INTS7: variants seen among roughly 807,000 people sequenced by gnomAD.
The protein encoded by INTS7 is chromosome 1 open reading frame 73.
In INTS7, 46 loss-of-function variants were observed where a neutral mutation model predicts 109.2. The observed-to-expected ratio is 0.42, with a 90% CI of 0.33 to 0.54. The LOEUF (loss-of-function observed/expected upper bound fraction) is 0.54, where lower values mean the gene tolerates loss of function less well. Ranked by LOEUF, INTS7 falls within the 20% of genes least tolerant of loss-of-function variation. INTS7 has a pLI of 0.07. For synonymous variants in INTS7, 412 were observed against 402.9 expected (o/e 1.02, Z -0.27); for missense variants, 929 against 1,132.4 (o/e 0.82, Z 2.58).
intron 4 of INTS7, among the ~76,000 whole-genome samples, chr1:212,016,491 GC>G (rs1225705085): frequency 2.0e-5 from 3 of 152,170 alleles, no homozygotes; most frequent in Non-Finnish European, 4.4e-5. Flanking sequence ...TATTGTCTTT[GC>G]CAAACTGTGG....
intron 7 of INTS7, among the ~76,000 whole-genome samples, chr1:211,994,233 T>C (rs543367235): frequency 6.6e-6 from 1 of 152,310 alleles, no homozygotes; most frequent in African/African-American, 2.4e-5. Flanking sequence ...TTGGTAATTG[T>C]GAGTAAAATT....
At chr1:212,015,621 G>A (rs1368756095) in intron 4 of INTS7, among the ~76,000 whole-genome samples, 3 of 136,948 alleles carry the variant, frequency 2.2e-5, no homozygotes, top group Non-Finnish European at 3.1e-5. Flanking sequence ...TTGTTCACAT[G>A]TTTATCTGCT....
At chr1:211,984,301 T>A (rs956360779) in intron 8 of INTS7, among the ~76,000 whole-genome samples, 1 of 152,220 alleles carries the variant, frequency 6.6e-6, no homozygotes, top group Admixed American at 6.5e-5. Flanking sequence ...ACATGTTTTA[T>A]AACTTGTTTT....
chr1:211,993,548 C>T (rs1014414606), intron 7 of INTS7, among the ~76,000 whole-genome samples: 39 of 151,898 alleles, frequency 2.6e-4, no homozygotes, highest in African/African-American at 8.9e-4. Context: ...GGCGTGGTGG[C>T]AGGCGCCTGT....
At chr1:212,020,957 CAT>C in intron 2 of INTS7, 124 bp downstream of exon 2, 2 of 835,156 alleles carry the variant, frequency 2.4e-6, no homozygotes, top group South Asian at 3.9e-5. Context: ...TGCACACAGT[CAT>C]GTGTGTCCAC....
intron 17 of INTS7, among the ~76,000 whole-genome samples, chr1:211,947,943 G>A (rs909254527): frequency 6.6e-6 from 1 of 152,158 alleles, no homozygotes; most frequent in African/African-American, 2.4e-5. Context: ...AGATCAGGCC[G>A]CCTTCAGCCA....
chr1:211,969,089 C>G (rs1294159120), intron 13 of INTS7, among the ~76,000 whole-genome samples: 1 of 151,988 alleles, frequency 6.6e-6, no homozygotes, highest in African/African-American at 2.4e-5. Context: ...TCAAGACCAC[C>G]CTGGCTAACA....
At chr1:211,960,869 G>A (rs1345087014) in intron 16 of INTS7, among the ~76,000 whole-genome samples, 2 of 151,968 alleles carry the variant, frequency 1.3e-5, no homozygotes, top group African/African-American at 4.8e-5. Flanking sequence ...AATAAAATTA[G>A]CCAAGTATGG....
intron 8 of INTS7, among the ~76,000 whole-genome samples, chr1:211,984,111 C>T (rs1185655142): frequency 6.6e-6 from 1 of 152,050 alleles, no homozygotes; most frequent in African/African-American, 2.4e-5. Context: ...AAAGATCCTC[C>T]CATCTTAGCC....
chr1:211,952,298 T>TA (rs1335494710), intron 17 of INTS7: 10 of 270,144 alleles, frequency 3.7e-5, no homozygotes, highest in African/African-American at 8.9e-5. Flanking sequence ...GTTAAATTGT[T>TA]AAAAAAAGAA....
rs1666683051 is a variant in INTS7, at chr1:212,021,234, G to A, written c.95-22C>T. On this transcript the variant is annotated intron_variant, in intron 1 of 19. Transcript: ENST00000366994. The stretch of plus-strand genomic sequence containing the variant: ...AGGCCTATGGAAAAAAAAAAGCACA[G>A]AGAGGGAAGAACAGTTTGCATATTT... 5 of 1,584,108 alleles carry A rather than the reference G, an allele frequency of 3.2e-6. No individual in the cohort carries two copies. The East Asian group carries it at 9.0e-5, about 29-fold the overall frequency.
intron 8 of INTS7, among the ~76,000 whole-genome samples, chr1:211,983,648 CTCG>C (rs1664761325): frequency 1.3e-5 from 2 of 152,096 alleles, no homozygotes; most frequent in African/African-American, 2.4e-5. Context: ...TTCCATGATT[CTCG>C]TCAACTTCAA....
intron 2 of INTS7, 50 bp downstream of exon 2, chr1:212,021,033 A>G (rs2102490998): frequency 6.6e-7 from 1 of 1,525,430 alleles, no homozygotes; most frequent in Non-Finnish European, 8.9e-7. Flanking sequence ...ATATAAAACA[A>G]GAAATATGAA....
In INTS7 at chr1:211,942,078, G is replaced by A; in HGVS notation, c.2635C>T (p.Gln879Ter). The part of the protein sequence containing the change: ...PIDNMTNEME[Q>*]RVEPHNDYFS... Reference sequence around the variant, plus strand: ...TAATCATTATGAGGTTCAACCCTTTGCTCCATCTCATTGGTCATGTTGTCA... The same window carrying A: ...TAATCATTATGAGGTTCAACCCTTTACTCCATCTCATTGGTCATGTTGTCA... The change falls in exon 20 of 20, where the codon CAA becomes TAA. Residue 879 changes from glutamine to a stop codon, truncating the protein, a stop_gained. Coordinates refer to ENST00000366994, the MANE Select transcript of INTS7 (RefSeq NM_015434.4). LOFTEE classifies it high-confidence loss of function. This position sits in a 1 kb window ranked among gnomAD's most constrained non-coding sequence, Gnocchi z 4.2. 6.2e-7 allele frequency: 1 copy of A among 1,614,050 alleles called. No homozygotes were observed. Among genetic ancestry groups the A allele is most frequent in the Non-Finnish European group, 8.5e-7 (1 of 1,179,958 alleles).
At chr1:211,954,678 G>C (rs553197986) in intron 16 of INTS7, among the ~76,000 whole-genome samples, 3,948 of 152,092 alleles carry the variant, frequency 0.026, 57 homozygotes, top group African/African-American at 0.046. Flanking sequence ...GCTTGTTTTT[G>C]TCAGGTTTGT....
chr1:212,012,197 G>T (rs977497202), intron 4 of INTS7, among the ~76,000 whole-genome samples: 11 of 151,922 alleles, frequency 7.2e-5, no homozygotes, highest in African/African-American at 7.3e-5. Context: ...GTGTGAGTTT[G>T]TAACTCCTGC....
intron 1 of INTS7, among the ~76,000 whole-genome samples, chr1:212,033,064 G>T (rs1009016363): frequency 5.3e-5 from 8 of 152,094 alleles, no homozygotes; most frequent in Non-Finnish European, 1.0e-4. Flanking sequence ...AGCTCTATAG[G>T]GGCAGGAGTT....
chr1:212,021,216 TG>T lies in INTS7; in HGVS notation c.95-5del. The T allele has an allele frequency of 6.3e-7, 1 of 1,582,594 alleles. No homozygotes were observed. The highest frequency in any genetic ancestry group is 8.5e-7 in the Non-Finnish European group (1 of 1,170,484). ...CCAAGTTTGCCAGATCTTAGGCCTA[TG>T]GAAAAAAAAAAGCACAGAGAGGGAA... On this transcript the variant is annotated splice_region_variant and splice_polypyrimidine_tract_variant and intron_variant, in intron 1 of 19. Coordinates refer to ENST00000366994, the MANE Select transcript of INTS7 (RefSeq NM_015434.4).
chr1:212,014,680 G>C (rs1191959146), intron 4 of INTS7, among the ~76,000 whole-genome samples: 1 of 151,520 alleles, frequency 6.6e-6, no homozygotes, highest in Non-Finnish European at 1.5e-5. Context: ...CAAGTGCCTG[G>C]GATTGCAGGT....
Sources: gnomAD v4.1 joint callset for allele counts (sites outside exome capture counted in the v4.1 genomes callset) on GRCh38, gnomAD v4.1.1 for gene constraint, Gnocchi (gnomAD v3.1) non-coding constraint, MANE v1.5 for transcripts, NCBI Gene and HGNC (gene_info 2026-07-23, HGNC 2026-07-21) for gene names.